The following ARHGEF4 variants were observed in gnomAD, a reference collection of about 807,000 sequenced individuals.
ARHGEF4 encodes APC-stimulated guanine nucleotide exchange factor 1.
A neutral mutation model predicts 162.0 loss-of-function variants in ARHGEF4; 119 were observed. The observed-to-expected ratio is 0.73, with a 90% confidence interval of 0.63 to 0.86. The LOEUF (loss-of-function observed/expected upper bound fraction) is 0.86. Among genes scored for constraint, ARHGEF4 ranks in the 40% least tolerant of loss-of-function variants. The pLI, the probability that ARHGEF4 is intolerant of heterozygous loss-of-function variation, is 0.00. For missense variants in ARHGEF4, 2,488 were observed against 2,456.0 expected, an observed-to-expected ratio of 1.01 and a Z score of -0.28; for synonymous variants, 1,014 against 979.9, an observed-to-expected ratio of 1.03 and a Z score of -0.65.
At chr2:130,963,682 C>G (rs1428830468) in intron 4 of ARHGEF4, 1 of 146,144 alleles carries the variant, frequency 6.8e-6, no homozygotes, top group African/African-American at 2.5e-5. Context: ...CGCGTGCCGA[C>G]CGGGCCCGCG....
intron 4 of ARHGEF4, among the ~76,000 whole-genome samples, chr2:130,960,772 G>A (rs993341424): frequency 6.6e-5 from 10 of 152,082 alleles, no homozygotes; most frequent in Admixed American, 3.9e-4. Flanking sequence ...GAGATCCCCA[G>A]CACCTTTGAT....
At position 130,914,766 on chromosome 2, in the gene ARHGEF4, A is replaced by T. The variant is rs1428901012; in HGVS notation, c.820A>T (p.Thr274Ser). 4.2e-6 allele frequency: 6 copies of T among 1,433,272 alleles called. No individual in the cohort carries two copies. Among genetic ancestry groups the T allele is most frequent in the Non-Finnish European group, 5.5e-6 (6 of 1,099,394 alleles). 88.8% of individuals were successfully genotyped at this position (1,433,272 alleles called of 1,614,324 possible). A position where few individuals can be genotyped will look rare whatever the true frequency, so the allele number is the denominator to read the frequency against. ...PLGTRTKKES[T>S]LGPAGDTELL... ...GGGGACCAGGACAAAGAAGGAAAGT[A>T]CTCTAGGCCCTGCAGGGGACACAGA... The change falls in exon 2 of 14, where the codon ACT (threonine) becomes TCT (serine). Residue 274 changes from threonine (T) to serine (S), a missense_variant. Thr to Ser is a moderately conservative substitution (Grantham distance 58). Coordinates refer to ENST00000409359, the MANE Select transcript of ARHGEF4 (RefSeq NM_001367493.1).
intron 1 of ARHGEF4, among the ~76,000 whole-genome samples, chr2:130,852,527 G>C (rs1681479959): frequency 6.6e-6 from 1 of 151,800 alleles, no homozygotes; most frequent in African/African-American, 2.4e-5. Context: ...CTGTGAGCTG[G>C]TGGGGGTGGG....
chr2:131,020,714 G>A (rs1689069899), intron 4 of ARHGEF4, among the ~76,000 whole-genome samples: 1 of 152,098 alleles, frequency 6.6e-6, no homozygotes, highest in African/African-American at 2.4e-5. Flanking sequence ...CCCAGTAATG[G>A]GATGGCTGGG....
At chr2:130,851,148 G>A (rs1276405670) in intron 1 of ARHGEF4, among the ~76,000 whole-genome samples, 1 of 152,270 alleles carries the variant, frequency 6.6e-6, no homozygotes, top group Non-Finnish European at 1.5e-5. Flanking sequence ...GAGCGGAGAA[G>A]TGCCTGCACT....
At chr2:131,023,409 G>A (rs977872512) in intron 4 of ARHGEF4, among the ~76,000 whole-genome samples, 1 of 151,966 alleles carries the variant, frequency 6.6e-6, no homozygotes, top group Non-Finnish European at 1.5e-5. Flanking sequence ...CTCCAGCCTA[G>A]GCAACAAAGC....
At chr2:130,919,705 G>A (rs369907623) in intron 2 of ARHGEF4, among the ~76,000 whole-genome samples, 100 of 152,034 alleles carry the variant, frequency 6.6e-4, no homozygotes, top group African/African-American at 2.4e-3. Flanking sequence ...GTGAAACCCC[G>A]TCTCTACTAA....
chr2:130,923,073 G>A (rs1233500855), intron 2 of ARHGEF4, among the ~76,000 whole-genome samples: 2 of 152,008 alleles, frequency 1.3e-5, no homozygotes, highest in Non-Finnish European at 2.9e-5. Context: ...TGGGACTACA[G>A]GCGCGAGCCA....
chr2:130,985,253 T>C (rs933474146), intron 4 of ARHGEF4, among the ~76,000 whole-genome samples: 4 of 152,044 alleles, frequency 2.6e-5, no homozygotes, highest in Admixed American at 6.5e-5. Context: ...GGCAGGCAGC[T>C]TAGGAGGGCT....
chr2:131,003,356 C>G (rs569722697), intron 4 of ARHGEF4, among the ~76,000 whole-genome samples: 54 of 152,360 alleles, frequency 3.5e-4, no homozygotes, highest in African/African-American at 1.3e-3. Context: ...GCTCCTGGCA[C>G]ATGATGACCA....
intron 1 of ARHGEF4, among the ~76,000 whole-genome samples, chr2:130,842,919 G>A (rs1680704489): frequency 6.6e-6 from 1 of 152,136 alleles, no homozygotes; most frequent in African/African-American, 2.4e-5. Context: ...GGATGAAGGG[G>A]GCGACGTGCA....
intron 4 of ARHGEF4, among the ~76,000 whole-genome samples, chr2:130,959,286 C>A (rs1056870643): frequency 1.3e-5 from 2 of 152,016 alleles, no homozygotes; most frequent in African/African-American, 4.8e-5. Flanking sequence ...CAGCAGCTAG[C>A]ATGATGTTCT....
At chr2:130,853,999 T>C (rs1267141967) in intron 1 of ARHGEF4, among the ~76,000 whole-genome samples, 1 of 152,180 alleles carries the variant, frequency 6.6e-6, no homozygotes, top group Non-Finnish European at 1.5e-5. Context: ...TCCTCTTGTC[T>C]GTCAAATGGG....
At chr2:130,992,576 C>G (rs1419683139) in intron 4 of ARHGEF4, among the ~76,000 whole-genome samples, 1 of 151,980 alleles carries the variant, frequency 6.6e-6, no homozygotes, top group Non-Finnish European at 1.5e-5. Context: ...AACTCCGAAC[C>G]TATCCGACCA....
intron 1 of ARHGEF4, among the ~76,000 whole-genome samples, chr2:130,841,425 C>T (rs1680606225): frequency 6.6e-6 from 1 of 150,650 alleles, no homozygotes; most frequent in Non-Finnish European, 1.5e-5. Flanking sequence ...CAGATAGGAC[C>T]CTATTGGCAT....
intron 3 of ARHGEF4, among the ~76,000 whole-genome samples, chr2:130,935,959 G>T (rs1682919611): frequency 6.6e-6 from 1 of 152,170 alleles, no homozygotes; most frequent in Non-Finnish European, 1.5e-5. Context: ...CAGCTACTGG[G>T]GAGGCTAAGG....
chr2:130,923,574 T>TATAATAC (rs1682027030), intron 2 of ARHGEF4, among the ~76,000 whole-genome samples: 1 of 152,220 alleles, frequency 6.6e-6, no homozygotes, highest in Admixed American at 6.5e-5. Context: ...GCGGACACTG[T>TATAATAC]ACTGAATAAT....
chr2:130,856,307 A>T (rs970093107), intron 1 of ARHGEF4, among the ~76,000 whole-genome samples: 22 of 152,370 alleles, frequency 1.4e-4, no homozygotes, highest in African/African-American at 5.0e-4. Context: ...TAATTTGAAG[A>T]ACAGATGTGA....
intron 12 of ARHGEF4, among the ~76,000 whole-genome samples, chr2:131,045,046 G>A (rs541824791): frequency 5.9e-5 from 9 of 152,286 alleles, no homozygotes; most frequent in Admixed American, 2.0e-4. Context: ...TGACCAGGTC[G>A]GCTCTTGGTC....
Sources: gnomAD v4.1 joint callset for allele counts (sites outside exome capture counted in the v4.1 genomes callset) on GRCh38, gnomAD v4.1.1 for gene constraint, MANE v1.5 for transcripts, NCBI Gene and HGNC (gene_info 2026-07-23, HGNC 2026-07-21) for gene names.